SLC25A48: variants seen among roughly 807,000 people sequenced by gnomAD.
SLC25A48 encodes the protein solute carrier family 25 member 48.
A neutral mutation model predicts 32.2 loss-of-function variants in SLC25A48; 29 were observed. The ratio of observed to expected loss-of-function variants is 0.90; its 90% CI spans 0.67 to 1.23. The LOEUF is 1.23. SLC25A48 is among the 50% of genes most tolerant of loss of function. The pLI, the probability that SLC25A48 is intolerant of heterozygous loss-of-function variation, is 0.00. For synonymous variants in SLC25A48, 164 were observed against 172.3 expected (o/e 0.95, Z 0.38); for missense variants, 399 against 422.7 (o/e 0.94, Z 0.49).
At chr5:135,689,680 A>G (rs932826928) in intron 3 of SLC25A48, among the ~76,000 whole-genome samples, 3 of 152,168 alleles carry the variant, frequency 2.0e-5, no homozygotes, top group Admixed American at 2.0e-4. Flanking sequence ...GTGCCGACTC[A>G]TTTCCTTGTT....
chr5:135,768,157 C>CT (rs1438139861), intron 3 of SLC25A48, among the ~76,000 whole-genome samples: 1 of 133,626 alleles, frequency 7.5e-6, no homozygotes, highest in African/African-American at 2.9e-5. Flanking sequence ...GGGGTGTACA[C>CT]CCACTGCGAT....
chr5:135,734,847 AAG>A (rs1755321214), intron 3 of SLC25A48, among the ~76,000 whole-genome samples: 2 of 139,906 alleles, frequency 1.4e-5, no homozygotes, highest in Admixed American at 7.1e-5. Context: ...GAAGAAGAAG[AAG>A]GGGACGGACT....
intron 4 of SLC25A48, chr5:135,824,353 G>A (rs964979295): frequency 1.3e-5 from 2 of 152,356 alleles, no homozygotes; most frequent in Non-Finnish European, 2.9e-5. Context: ...GAGCTGGTGT[G>A]GTTAGGAATT....
chr5:135,766,091 C>G (rs540969351), intron 3 of SLC25A48, among the ~76,000 whole-genome samples: 1 of 151,670 alleles, frequency 6.6e-6, no homozygotes, highest in South Asian at 2.1e-4. Flanking sequence ...TAATATTTCT[C>G]CCCATATCGC....
At chr5:135,865,637 C>G (rs1761128944) in intron 4 of SLC25A48, among the ~76,000 whole-genome samples, 1 of 152,124 alleles carries the variant, frequency 6.6e-6, no homozygotes, top group African/African-American at 2.4e-5. Flanking sequence ...ATATATGGGA[C>G]TCGGGCCATA....
chr5:135,879,675 A>G (rs1762317958), intron 6 of SLC25A48, among the ~76,000 whole-genome samples: 1 of 151,878 alleles, frequency 6.6e-6, no homozygotes, highest in Non-Finnish European at 1.5e-5. Flanking sequence ...AGAGGGAGAG[A>G]GAGGGCAATT....
In SLC25A48 at chr5:135,777,787, G is replaced by A. The variant is rs941118242; in HGVS notation, c.-520-34736G>A. 2.1e-3 allele frequency among the ~76,000 whole-genome samples: 149 copies of A among 69,472 alleles called. 1 individual carries two copies. In the East Asian group the frequency reaches 0.045, roughly 21 times the overall value. 45.6% of individuals were successfully genotyped at this position (69,472 alleles called of 152,430 possible). A position where few individuals can be genotyped will look rare whatever the true frequency, so the allele number is the denominator to read the frequency against. On this transcript the variant is annotated intron_variant, in intron 3 of 10. Coordinates refer to the SLC25A48 transcript ENST00000646290. ...CTGTGATATTATTCCTAATATCCGG[G>A]GGGGGGGGGAATGTTAATATTACTC...
chr5:135,595,878 A>G (rs1751638432), intron 1 of SLC25A48, among the ~76,000 whole-genome samples: 1 of 152,192 alleles, frequency 6.6e-6, no homozygotes, highest in African/African-American at 2.4e-5. Context: ...CTATTCACAC[A>G]CGCATCAGTA....
intron 2 of SLC25A48, among the ~76,000 whole-genome samples, chr5:135,848,936 G>A (rs1332743122): frequency 2.0e-5 from 3 of 152,226 alleles, no homozygotes; most frequent in Non-Finnish European, 4.4e-5. Context: ...TAGGGTGAGA[G>A]CGAAGGTGGG....
intron 3 of SLC25A48, among the ~76,000 whole-genome samples, chr5:135,766,081 T>A (rs924183154): frequency 6.6e-6 from 1 of 150,512 alleles, no homozygotes; most frequent in Non-Finnish European, 1.5e-5. Flanking sequence ...CGGGAGAGAG[T>A]AATATTTCTC....
intron 3 of SLC25A48, among the ~76,000 whole-genome samples, chr5:135,727,607 G>A (rs1755119005): frequency 6.6e-6 from 1 of 151,898 alleles, no homozygotes; most frequent in African/African-American, 2.4e-5. Context: ...TTGGGTCAAG[G>A]GTTTTTTTGG....
At chr5:135,624,144 C>T (rs748147597) in intron 1 of SLC25A48, among the ~76,000 whole-genome samples, 1 of 152,140 alleles carries the variant, frequency 6.6e-6, no homozygotes, top group Non-Finnish European at 1.5e-5. Context: ...TTCTGATCAC[C>T]GTTACCTCCT....
chr5:135,653,341 T>C (rs548879705), intron 3 of SLC25A48, among the ~76,000 whole-genome samples: 2 of 152,340 alleles, frequency 1.3e-5, no homozygotes, highest in South Asian at 4.1e-4. Flanking sequence ...CAAGAGAGAC[T>C]ATTTCTGGAA....
chr5:135,635,475 AAG>A (rs1752678242), intron 3 of SLC25A48, among the ~76,000 whole-genome samples: 1 of 152,212 alleles, frequency 6.6e-6, no homozygotes, highest in African/African-American at 2.4e-5. Context: ...CAGCTGGGAT[AAG>A]AGATGTTTTG....
At chr5:135,787,437 T>G (rs982850142) in intron 3 of SLC25A48, among the ~76,000 whole-genome samples, 1 of 152,042 alleles carries the variant, frequency 6.6e-6, no homozygotes, top group Non-Finnish European at 1.5e-5. Context: ...TATCACAGTG[T>G]GTGTACACCC....
chr5:135,776,923 G>A (rs1378516350), intron 3 of SLC25A48, among the ~76,000 whole-genome samples: 4 of 151,930 alleles, frequency 2.6e-5, no homozygotes, highest in African/African-American at 9.7e-5. Flanking sequence ...TATTGCAGGG[G>A]CTGCACAGGC....
chr5:135,611,544 G>GA (rs1243828098), intron 1 of SLC25A48, among the ~76,000 whole-genome samples: 2 of 73,372 alleles, frequency 2.7e-5, no homozygotes, highest in Non-Finnish European at 5.6e-5. Context: ...GAAAAGAAAA[G>GA]AAAAAAAAGA....
At chr5:135,838,003 A>G (rs1412959443) in intron 1 of SLC25A48, among the ~76,000 whole-genome samples, 1 of 152,228 alleles carries the variant, frequency 6.6e-6, no homozygotes, top group Non-Finnish European at 1.5e-5. Context: ...AAATGTGGAA[A>G]AGTTTGGAGC....
At chr5:135,599,706 CCCTTCCTTATTT>C (rs1751742934) in intron 1 of SLC25A48, among the ~76,000 whole-genome samples, 2 of 152,180 alleles carry the variant, frequency 1.3e-5, no homozygotes, top group African/African-American at 4.8e-5. Context: ...CTTCCTTCCT[CCCTTCCTTATTT>C]CCTTCCTTCC....
Sources: gnomAD v4.1 joint callset for allele counts (sites outside exome capture counted in the v4.1 genomes callset) on GRCh38, gnomAD v4.1.1 for gene constraint, MANE v1.5 for transcripts, NCBI Gene and HGNC (gene_info 2026-07-23, HGNC 2026-07-21) for gene names.